The following SLIT3 variants were observed in gnomAD, a reference collection of about 807,000 sequenced individuals.
SLIT3 encodes the protein slit guidance ligand 3.
In SLIT3, 68 loss-of-function variants were observed where a neutral mutation model predicts 184.0. The observed-to-expected ratio is 0.37, with a 90% CI of 0.30 to 0.45. The LOEUF (loss-of-function observed/expected upper bound fraction) is 0.45, where lower values mean the gene tolerates loss of function less well. SLIT3 is among the 20% of genes least tolerant of loss of function. The probability of loss-of-function intolerance (pLI) is 1.00; values close to 1 mark genes in which losing one functional copy is unlikely to be tolerated. For synonymous variants in SLIT3, 831 were observed against 828.6 expected, an observed-to-expected ratio of 1.00 and a Z score of -0.05; for missense variants, 1,707 against 2,026.0, an observed-to-expected ratio of 0.84 and a Z score of 3.02.
chr5:168,691,276 A>C (rs1229295305), intron 29 of SLIT3, among the ~76,000 whole-genome samples: 1 of 152,190 alleles, frequency 6.6e-6, no homozygotes, highest in Non-Finnish European at 1.5e-5. Flanking sequence ...CTTAGATTCT[A>C]AGATTCTAAG....
At chr5:168,979,221 A>T (rs1223704028) in intron 4 of SLIT3, among the ~76,000 whole-genome samples, 1 of 152,208 alleles carries the variant, frequency 6.6e-6, no homozygotes, top group Non-Finnish European at 1.5e-5. Flanking sequence ...TCAACCTTCA[A>T]AGCTTTGATT....
intron 20 of SLIT3, among the ~76,000 whole-genome samples, chr5:168,736,358 A>G (rs1763435030): frequency 6.6e-6 from 1 of 152,154 alleles, no homozygotes; most frequent in Non-Finnish European, 1.5e-5. Flanking sequence ...AGGACTCATA[A>G]GTGCTGCTGT....
intron 4 of SLIT3, among the ~76,000 whole-genome samples, chr5:169,100,071 T>C (rs966768818): frequency 1.2e-4 from 18 of 152,130 alleles, no homozygotes; most frequent in Admixed American, 6.5e-5. Flanking sequence ...CTGCCAAGCC[T>C]CTCTCTGGCA....
intron 4 of SLIT3, among the ~76,000 whole-genome samples, chr5:169,103,505 G>C (rs1760093010): frequency 6.6e-6 from 1 of 152,230 alleles, no homozygotes; most frequent in Non-Finnish European, 1.5e-5. Flanking sequence ...GCAAGTGGCT[G>C]TCAGGTCCCC....
chr5:169,256,572 CT>C (rs1182553766), intron 1 of SLIT3, among the ~76,000 whole-genome samples: 1 of 152,222 alleles, frequency 6.6e-6, no homozygotes, highest in Non-Finnish European at 1.5e-5. Flanking sequence ...AAAGTGACCA[CT>C]GTGTCTTAAC....
intron 1 of SLIT3, among the ~76,000 whole-genome samples, chr5:169,253,399 G>T (rs1019164213): frequency 6.6e-6 from 1 of 152,150 alleles, no homozygotes; most frequent in Non-Finnish European, 1.5e-5. Flanking sequence ...GATGTGGCGG[G>T]GGGCAGAAGG....
At chr5:168,924,001 ACTGT>A (rs1313239037) in intron 4 of SLIT3, among the ~76,000 whole-genome samples, 4 of 152,330 alleles carry the variant, frequency 2.6e-5, no homozygotes, top group African/African-American at 7.2e-5. Context: ...GGTCACAGAG[ACTGT>A]CTGGCCTGCA....
At chr5:169,002,530 G>C (rs1406909376) in intron 4 of SLIT3, among the ~76,000 whole-genome samples, 1 of 151,998 alleles carries the variant, frequency 6.6e-6, no homozygotes, top group African/African-American at 2.4e-5. Flanking sequence ...AGTGTGGACA[G>C]AATGTGATGG....
intron 3 of SLIT3, among the ~76,000 whole-genome samples, chr5:169,229,767 C>T (rs527550157): frequency 5.8e-4 from 88 of 152,114 alleles, no homozygotes; most frequent in Non-Finnish European, 1.1e-3. Flanking sequence ...TGAAGCACTT[C>T]ATATAGGTAA....
At chr5:168,931,004 T>A (rs1323123019) in intron 4 of SLIT3, among the ~76,000 whole-genome samples, 1 of 152,154 alleles carries the variant, frequency 6.6e-6, no homozygotes, top group Non-Finnish European at 1.5e-5. Flanking sequence ...GGTCTGGCAA[T>A]GCCACTGCCT....
chr5:168,832,957 A>C (rs1373234714), intron 6 of SLIT3, among the ~76,000 whole-genome samples: 1 of 152,224 alleles, frequency 6.6e-6, no homozygotes, highest in Non-Finnish European at 1.5e-5. Context: ...AAAGTGCTTC[A>C]ATGGCATTAT....
chr5:168,909,926 C>T (rs1761199763), intron 4 of SLIT3, among the ~76,000 whole-genome samples: 3 of 152,196 alleles, frequency 2.0e-5, no homozygotes, highest in South Asian at 4.1e-4. Flanking sequence ...TTCTGTCTCC[C>T]AAAAGAAGCC....
At chr5:168,994,761 T>A (rs1443137451) in intron 4 of SLIT3, among the ~76,000 whole-genome samples, 1 of 147,600 alleles carries the variant, frequency 6.8e-6, no homozygotes, top group East Asian at 2.1e-4. Context: ...TTCTCCCGCC[T>A]CAGCCTCCTA....
intron 4 of SLIT3, among the ~76,000 whole-genome samples, chr5:168,923,418 T>A (rs1761704941): frequency 1.3e-5 from 2 of 152,020 alleles, no homozygotes; most frequent in Non-Finnish European, 2.9e-5. Context: ...TCAACTGGGC[T>A]ACTCAAATCC....
At chr5:168,984,971 A>C (rs368916146) in intron 4 of SLIT3, among the ~76,000 whole-genome samples, 40 of 152,372 alleles carry the variant, frequency 2.6e-4, no homozygotes, top group African/African-American at 9.4e-4. Flanking sequence ...AATGATCCAG[A>C]AATATCACAC....
chr5:168,859,764 C>T (rs1759036000), intron 5 of SLIT3, among the ~76,000 whole-genome samples: 1 of 152,148 alleles, frequency 6.6e-6, no homozygotes, highest in Non-Finnish European at 1.5e-5. Flanking sequence ...GAACAGAATT[C>T]AGGGGTGTGC....
chr5:169,159,422 A>G (rs1301420573), intron 4 of SLIT3, among the ~76,000 whole-genome samples: 2 of 151,842 alleles, frequency 1.3e-5, no homozygotes, highest in African/African-American at 4.8e-5. Context: ...GCGAAACTCC[A>G]TCTCAAAAAA....
chr5:168,718,658 A>G (rs1018666411), intron 23 of SLIT3, among the ~76,000 whole-genome samples: 1 of 150,352 alleles, frequency 6.7e-6, no homozygotes, highest in African/African-American at 2.4e-5. Flanking sequence ...CTCTCCTGAA[A>G]TGTATTCATA....
chr5:169,159,500 G>T (rs559767465), intron 4 of SLIT3, among the ~76,000 whole-genome samples: 3 of 143,660 alleles, frequency 2.1e-5, no homozygotes, highest in Admixed American at 6.9e-5. Context: ...CCCAGGCCAG[G>T]CGCGGTAGCT....
Sources: allele counts gnomAD v4.1 joint callset (sites outside exome capture counted in the v4.1 genomes callset), GRCh38; gene constraint gnomAD v4.1.1; transcripts MANE v1.5; gene names NCBI Gene and HGNC (gene_info 2026-07-23, HGNC 2026-07-21).